The following B3GAT1 variants were observed in gnomAD, a reference collection of about 807,000 sequenced individuals.
B3GAT1 encodes the protein galactosylgalactosylxylosylprotein 3-beta-glucuronosyltransferase 1.
B3GAT1 carries 11 observed loss-of-function variants against 28.4 expected under a neutral mutation model. The ratio of observed to expected loss-of-function variants is 0.39; its 90% CI spans 0.24 to 0.64. B3GAT1 has a LOEUF of 0.64. Among genes scored for constraint, B3GAT1 ranks in the 30% least tolerant of loss-of-function variants. B3GAT1 has a pLI of 0.50. For synonymous variants in B3GAT1, 255 were observed against 223.1 expected, an observed-to-expected ratio of 1.14 and a Z score of -1.27; for missense variants, 375 against 491.0, an observed-to-expected ratio of 0.76 and a Z score of 2.23.
rs771997993 is a variant in B3GAT1 at position 134,384,061 on chromosome 11, G to C, written c.240C>G (p.Ser80=). 6.2e-7 allele frequency: 1 copy of C among 1,604,168 alleles called. No individual in the cohort carries two copies. The highest frequency in any genetic ancestry group is 8.5e-7 in the Non-Finnish European group (1 of 1,178,460). Residue 80 remains serine (S), a synonymous_variant, in exon 3 of 6, where the codon TCC becomes TCG. Transcript: ENST00000312527. Reference sequence around the variant, plus strand: ...CCACGTGGATGGTGGGCAGCGTGTCGGACCATGGCGGGGGCCGCGTGTACA... The same window carrying C: ...CCACGTGGATGGTGGGCAGCGTGTCCGACCATGGCGGGGGCCGCGTGTACA... ...EYVYTRPPPW[S]DTLPTIHVVT... is the part of the protein sequence containing the mutation.
chr11:134,387,136 C>T (rs372764575), intron 2 of B3GAT1: 5 of 187,786 alleles, frequency 2.7e-5, no homozygotes, highest in South Asian at 1.2e-4. Context: ...GACAGTGCTT[C>T]GCCCTTCCCT....
chr11:134,406,935 C>T (rs1449500058), intron 1 of B3GAT1, among the ~76,000 whole-genome samples: 1 of 145,544 alleles, frequency 6.9e-6, no homozygotes, highest in Non-Finnish European at 1.5e-5. Context: ...CCTGTGCAGG[C>T]TCAGGTCCAC....
intron 1 of B3GAT1, 114 bp from the exon 2 acceptor site, chr11:134,388,054 A>C: frequency 4.8e-6 from 2 of 414,632 alleles, no homozygotes. Context: ...ATGGAGCCTC[A>C]ACTGTCCATC....
chr11:134,407,031 G>GCCCAAAACA (rs1944746970), intron 1 of B3GAT1, among the ~76,000 whole-genome samples: 1 of 152,230 alleles, frequency 6.6e-6, no homozygotes, highest in Admixed American at 6.5e-5. Flanking sequence ...AACTTTCCGT[G>GCCCAAAACA]CTGCCGGGAA....
chr11:134,391,088 T>C (rs1944402757), intron 1 of B3GAT1: 1 of 151,952 alleles, frequency 6.6e-6, no homozygotes, highest in African/African-American at 2.4e-5. Flanking sequence ...AAAACATCTA[T>C]GAGAGAAAAG....
chr11:134,398,283 C>A (rs1398171595), intron 1 of B3GAT1, among the ~76,000 whole-genome samples: 2 of 152,184 alleles, frequency 1.3e-5, no homozygotes, highest in African/African-American at 4.8e-5. Flanking sequence ...GCCCTGTTGA[C>A]AAATCCACAA....
intron 4 of B3GAT1, among the ~76,000 whole-genome samples, 154 bp downstream of exon 4, chr11:134,382,556 G>C (rs554187204): frequency 6.6e-6 from 1 of 152,204 alleles, no homozygotes; most frequent in Non-Finnish European, 1.5e-5. Flanking sequence ...CCGCAGTGTC[G>C]CTGCCTTACA....
Position 134,393,740 on chromosome 11 carries a change from G to C in B3GAT1, c.-281-5800C>G, listed in dbSNP as rs1225891875. 6.6e-6 allele frequency among the ~76,000 whole-genome samples: 1 copy of C among 152,202 alleles called. No homozygotes were observed. The highest frequency in any genetic ancestry group is 1.5e-5 in the Non-Finnish European group (1 of 68,024). On this transcript the variant is annotated intron_variant, in intron 1 of 5. Coordinates refer to ENST00000312527, the MANE Select transcript of B3GAT1 (RefSeq NM_054025.3). The surrounding 1 kb of genome is among the most constrained non-coding windows in gnomAD (Gnocchi z 4.0). ...GACTCTTGAGGGCGTGGGCTCAGTG[G>C]TGACAGCAGAGGGAGCCCCAGGCAT... is the stretch of plus-strand genomic sequence containing the variant.
intron 2 of B3GAT1, 21 bp from the exon 3 acceptor site, chr11:134,384,209 C>T: frequency 6.6e-7 from 1 of 1,521,040 alleles, no homozygotes; most frequent in South Asian, 1.2e-5. Flanking sequence ...GGGAGACCGG[C>T]GATGTGGGAG....
chr11:134,404,023 ATATAT>A (rs1944679394), intron 1 of B3GAT1, among the ~76,000 whole-genome samples: 1 of 112,446 alleles, frequency 8.9e-6, no homozygotes, highest in Non-Finnish European at 1.8e-5. Context: ...ATATATATAT[ATATAT>A]ATTTATTATA....
chr11:134,392,844 T>C (rs1353549356), intron 1 of B3GAT1, among the ~76,000 whole-genome samples: 2 of 152,204 alleles, frequency 1.3e-5, no homozygotes, highest in African/African-American at 4.8e-5. Flanking sequence ...TGGAAAGGTT[T>C]TCTTCTGAGC....
intron 2 of B3GAT1, chr11:134,387,240 C>T (rs564497451): frequency 5.0e-5 from 17 of 342,488 alleles, no homozygotes; most frequent in Middle Eastern, 8.7e-4. Flanking sequence ...TTCCCACCTC[C>T]GACCTCAGCA....
rs925556928 is a variant in B3GAT1 at position 134,411,580 on chromosome 11, G to A, written c.-282+227C>T. ...CCGGTCGACGAGGGCAGGCTGTGCC[G>A]GGTTTTGTTTCGCAGCCCCTCGGCA... On this transcript the variant is annotated intron_variant, in intron 1 of 5. Transcript: ENST00000312527. This position sits in a 1 kb window ranked among gnomAD's most constrained non-coding sequence, Gnocchi z 6.0. Among the ~76,000 whole-genome samples, 2 of 152,128 alleles carry A rather than the reference G, an allele frequency of 1.3e-5. No individual in the cohort carries two copies. Among genetic ancestry groups the A allele is most frequent in the Non-Finnish European group, 2.9e-5 (2 of 68,012 alleles).
chr11:134,383,555 C>T, intron 3 of B3GAT1, 125 bp downstream of exon 3: 1 of 1,295,580 alleles, frequency 7.7e-7, no homozygotes, highest in African/African-American at 1.5e-5. Flanking sequence ...GCTGCCTGCC[C>T]CGCTCCCAGC....
intron 1 of B3GAT1, among the ~76,000 whole-genome samples, chr11:134,399,954 G>A (rs1312646054): frequency 2.0e-5 from 3 of 152,208 alleles, no homozygotes; most frequent in African/African-American, 2.4e-5. Flanking sequence ...CTCTCAGGCT[G>A]TGAGCAAGGT....
At position 134,378,785 on chromosome 11, in the gene B3GAT1, T is replaced by C. The variant is rs1452610439; in HGVS notation, c.*1977A>G. 6.6e-6 allele frequency: 1 copy of C among 152,056 alleles called. No individual in the cohort carries two copies. The highest frequency in any genetic ancestry group is 1.5e-5 in the Non-Finnish European group (1 of 67,986). 9.4% of individuals were successfully genotyped at this position (152,056 alleles called of 1,614,324 possible). ...AGGCTGCAGTCCACCAGGGTTATAATTATAAATAAATATACATGCAGCTAA... is the reference window on the plus strand; with the variant it reads ...AGGCTGCAGTCCACCAGGGTTATAACTATAAATAAATATACATGCAGCTAA... On this transcript the variant is annotated 3_prime_UTR_variant, in exon 6 of 6. Coordinates refer to ENST00000312527, the MANE Select transcript of B3GAT1 (RefSeq NM_054025.3).
Position 134,382,802 on chromosome 11 carries a change from G to A in B3GAT1, c.826C>T (p.Arg276Ter), listed in dbSNP as rs773055144. 2 of 1,614,192 alleles carry A rather than the reference G, an allele frequency of 1.2e-6. No homozygotes were observed. The highest frequency in any genetic ancestry group is 1.7e-6 in the Non-Finnish European group (2 of 1,180,032). ...TCCTGGTAGCCTCCCTTCACACCTC[G>A]CAGCTTGAAGTAGGCCTGGCTTCGC... ...LQRSQAYFKLRGVKGGYQESS... is the reference protein window; with the variant it reads ...LQRSQAYFKL Residue 276 changes from arginine to a stop codon, truncating the protein, a stop_gained, in exon 4 of 6, where the codon CGA becomes TGA. Coordinates refer to ENST00000312527, the MANE Select transcript of B3GAT1 (RefSeq NM_054025.3). LOFTEE classifies it high-confidence loss of function.
At chr11:134,383,151 G>A in intron 3 of B3GAT1, 145 bp from the exon 4 acceptor site, 1 of 921,418 alleles carries the variant, frequency 1.1e-6, no homozygotes, top group East Asian at 2.7e-5. Flanking sequence ...GTACAGCCCT[G>A]CCCCCAGGAC....
chr11:134,410,038 T>C (rs1944822043), intron 1 of B3GAT1, among the ~76,000 whole-genome samples: 1 of 152,194 alleles, frequency 6.6e-6, no homozygotes, highest in African/African-American at 2.4e-5. Context: ...TATATCTGAC[T>C]TGGTCCCCTT....
Sources: allele counts gnomAD v4.1 joint callset (sites outside exome capture counted in the v4.1 genomes callset), GRCh38; gene constraint gnomAD v4.1.1; non-coding constraint Gnocchi (gnomAD v3.1); transcripts MANE v1.5; gene names NCBI Gene and HGNC (gene_info 2026-07-23, HGNC 2026-07-21).